SH3BGR: variants seen among roughly 807,000 people sequenced by gnomAD.
The protein encoded by SH3BGR is SH3 domain binding glutamate rich protein.
In SH3BGR, 29 loss-of-function variants were observed where a neutral mutation model predicts 24.5. The ratio of observed to expected loss-of-function variants is 1.18; its 90% CI spans 0.88 to 1.61. The LOEUF (loss-of-function observed/expected upper bound fraction) is 1.61, where lower values mean the gene tolerates loss of function less well. SH3BGR is among the 40% of genes most tolerant of loss of function. The pLI, the probability that SH3BGR is intolerant of heterozygous loss-of-function variation, is 0.00. For missense variants in SH3BGR, 162 were observed against 205.8 expected (o/e 0.79, Z 1.30); for synonymous variants, 55 against 65.7 (o/e 0.84, Z 0.79).
At chr21:39,454,746 A>G (rs1452359211) in intron 1 of SH3BGR, among the ~76,000 whole-genome samples, 1 of 152,240 alleles carries the variant, frequency 6.6e-6, no homozygotes, top group Non-Finnish European at 1.5e-5. Context: ...GTTGAGTGTC[A>G]TTCTTGGAAA....
At chr21:39,502,815 G>A (rs1415238695) in intron 4 of SH3BGR, among the ~76,000 whole-genome samples, 1 of 152,210 alleles carries the variant, frequency 6.6e-6, no homozygotes. Context: ...ACAGTGGCTG[G>A]CCTTCTGACC....
chr21:39,459,548 T>C (rs1437867328), intron 1 of SH3BGR, among the ~76,000 whole-genome samples: 3 of 151,460 alleles, frequency 2.0e-5, no homozygotes. Context: ...TTTCTTTTTC[T>C]TTCTGACAGG....
At chr21:39,495,953 C>T (rs1602150337) in intron 3 of SH3BGR, among the ~76,000 whole-genome samples, 1 of 152,054 alleles carries the variant, frequency 6.6e-6, no homozygotes, top group African/African-American at 2.4e-5. Flanking sequence ...TATAATTTAT[C>T]AGATATTTCT....
Position 39,475,528 on chromosome 21 carries a change from T to G in SH3BGR, c.312+313T>G, listed in dbSNP as rs145186453. Among the ~76,000 whole-genome samples the G allele has an allele frequency of 9.2e-5, 14 of 152,348 alleles. No homozygotes were observed. In the East Asian group the frequency reaches 2.5e-3, roughly 27 times the overall value. ...TTAAATATGTAAACATTTGAGCTCC[T>G]AGGTTGTGTTTATACAATTATTTTG... On this transcript the variant is annotated intron_variant, in intron 3 of 6. Coordinates refer to ENST00000333634, the MANE Select transcript of SH3BGR (RefSeq NM_007341.3).
At chr21:39,476,268 T>G (rs572254894) in intron 3 of SH3BGR, among the ~76,000 whole-genome samples, 2 of 151,844 alleles carry the variant, frequency 1.3e-5, no homozygotes, top group African/African-American at 4.8e-5. Context: ...CAGAAGAGGG[T>G]GATGTTAGTT....
chr21:39,461,136 T>A (rs1343735809), intron 1 of SH3BGR, among the ~76,000 whole-genome samples: 1 of 77,130 alleles, frequency 1.3e-5, no homozygotes, highest in East Asian at 2.3e-4. Flanking sequence ...GTTTTGTAGA[T>A]TTTTTTTTTT....
At chr21:39,447,863 C>T (rs1307836649), upstream of SH3BGR, among the ~76,000 whole-genome samples, 23 of 152,094 alleles carry the variant, frequency 1.5e-4, no homozygotes, top group Non-Finnish European at 1.5e-5. Flanking sequence ...TCCTAGGTTC[C>T]TAGGGATGTC....
chr21:39,504,323 G>A (rs111622711), intron 4 of SH3BGR, among the ~76,000 whole-genome samples: 6,969 of 152,216 alleles, frequency 0.046, 294 homozygotes, highest in African/African-American at 0.11. Context: ...CCTGCAGCTC[G>A]AGAGGACTCT....
Position 39,511,894 on chromosome 21 carries a change from A to G in SH3BGR, c.*34+85A>G. The G allele has an allele frequency of 1.6e-6, 2 of 1,281,452 alleles. No homozygotes were observed. Among genetic ancestry groups the G allele is most frequent in the Non-Finnish European group, 2.1e-6 (2 of 951,180 alleles). The allele number at this position is 1,281,452 out of a possible 1,614,324, so 79.4% of individuals were successfully genotyped here. A position where few individuals can be genotyped will look rare whatever the true frequency, so the allele number is the denominator to read the frequency against. On this transcript the variant is annotated intron_variant, in intron 6 of 6. Coordinates refer to ENST00000333634, the MANE Select transcript of SH3BGR (RefSeq NM_007341.3). The surrounding 1 kb of genome is among the most constrained non-coding windows in gnomAD (Gnocchi z 4.2). ...GCACATTTTGCTTAGTAACAGGAGA[A>G]AGGGAATTCCAATTCAGGGCTGTCT...
At chr21:39,463,351 TC>T (rs1003738003) in intron 2 of SH3BGR, among the ~76,000 whole-genome samples, 3 of 152,228 alleles carry the variant, frequency 2.0e-5, no homozygotes, top group Non-Finnish European at 4.4e-5. Context: ...TCACTTTTTT[TC>T]CCCAGAGTTT....
intron 3 of SH3BGR, among the ~76,000 whole-genome samples, chr21:39,498,075 A>G (rs1322469677): frequency 1.3e-5 from 2 of 152,236 alleles, no homozygotes; most frequent in African/African-American, 4.8e-5. Context: ...AATAGGATCA[A>G]TCATATGAAT....
exon 1 of SH3BGR, chr21:39,445,950 T>G (rs2077445847): frequency 6.6e-6 from 1 of 152,080 alleles, no homozygotes; most frequent in African/African-American, 2.4e-5. Flanking sequence ...TGTGTAGACG[T>G]CTGTAAACGA....
At chr21:39,512,304 G>A (rs2078709147) in intron 6 of SH3BGR, among the ~76,000 whole-genome samples, 1 of 152,062 alleles carries the variant, frequency 6.6e-6, no homozygotes, top group Non-Finnish European at 1.5e-5. Flanking sequence ...GAAAATTATT[G>A]CTGCCACGGG....
chr21:39,459,176 T>G (rs1333381272), intron 1 of SH3BGR, among the ~76,000 whole-genome samples: 1 of 151,956 alleles, frequency 6.6e-6, no homozygotes, highest in Non-Finnish European at 1.5e-5. Context: ...TTTCTCCTCC[T>G]TCCCTCCCTC....
At chr21:39,478,214 TA>T (rs1007442087) in intron 3 of SH3BGR, among the ~76,000 whole-genome samples, 1 of 152,188 alleles carries the variant, frequency 6.6e-6, no homozygotes, top group Non-Finnish European at 1.5e-5. Flanking sequence ...GATTACTTTT[TA>T]AAAAAACAGT....
At chr21:39,465,292 C>T (rs561089721) in intron 2 of SH3BGR, among the ~76,000 whole-genome samples, 3 of 152,256 alleles carry the variant, frequency 2.0e-5, no homozygotes, top group East Asian at 1.9e-4. Flanking sequence ...CACACAGGAC[C>T]CCATCCACAG....
At chr21:39,476,585 G>C (rs1388556626) in intron 3 of SH3BGR, among the ~76,000 whole-genome samples, 1 of 152,178 alleles carries the variant, frequency 6.6e-6, no homozygotes, top group African/African-American at 2.4e-5. Flanking sequence ...TTGCGTCCCT[G>C]CTTGCTGCCG....
chr21:39,460,820 C>T (rs576418458), intron 1 of SH3BGR, among the ~76,000 whole-genome samples: 8 of 152,238 alleles, frequency 5.3e-5, no homozygotes, highest in South Asian at 2.1e-4. Flanking sequence ...GACAGGGTCC[C>T]GCTTTGTCAC....
chr21:39,495,467 A>G (rs2078377164), intron 3 of SH3BGR, among the ~76,000 whole-genome samples: 1 of 150,574 alleles, frequency 6.6e-6, no homozygotes, highest in Admixed American at 6.6e-5. Context: ...GTTATGAATC[A>G]GAGGGTAAAA....
Sources: allele counts gnomAD v4.1 joint callset (sites outside exome capture counted in the v4.1 genomes callset), GRCh38; gene constraint gnomAD v4.1.1; non-coding constraint Gnocchi (gnomAD v3.1); transcripts MANE v1.5; gene names NCBI Gene and HGNC (gene_info 2026-07-23, HGNC 2026-07-21).